Variants in SGCZ observed in about 807,000 individuals in gnomAD.
The protein encoded by SGCZ is zeta-sarcoglycan.
SGCZ carries 40 observed loss-of-function variants against 41.3 expected under a neutral mutation model. That is an observed-to-expected ratio of 0.97 (90% CI 0.75 to 1.26). The LOEUF (loss-of-function observed/expected upper bound fraction) is 1.26. Among genes scored for constraint, SGCZ ranks in the 50% most tolerant of loss-of-function variants. SGCZ has a pLI of 0.00. For missense variants in SGCZ, 552 were observed against 369.8 expected (o/e 1.49, Z -4.04); for synonymous variants, 206 against 137.5 (o/e 1.50, Z -3.49).
At chr8:14,652,373 C>A (rs1807434692) in intron 1 of SGCZ, among the ~76,000 whole-genome samples, 3 of 142,606 alleles carry the variant, frequency 2.1e-5, no homozygotes, top group African/African-American at 7.7e-5. Context: ...GGAGAAAACA[C>A]TGAAATAATG....
chr8:14,985,456 G>C (rs895268054), intron 1 of SGCZ, among the ~76,000 whole-genome samples: 1 of 152,138 alleles, frequency 6.6e-6, no homozygotes, highest in East Asian at 1.9e-4. Context: ...TTTCCACTAA[G>C]AGGCAGAGCA....
chr8:15,192,627 A>G (rs959563909), intron 1 of SGCZ, among the ~76,000 whole-genome samples: 1 of 152,112 alleles, frequency 6.6e-6, no homozygotes, highest in Non-Finnish European at 1.5e-5. Context: ...ACTGGCATCA[A>G]TGCCAAACTC....
At chr8:15,170,265 C>T (rs539880354) in intron 1 of SGCZ, among the ~76,000 whole-genome samples, 3 of 152,284 alleles carry the variant, frequency 2.0e-5, no homozygotes, top group Admixed American at 2.0e-4. Flanking sequence ...CTTGTCTCTT[C>T]CTGCTCAAGG....
intron 2 of SGCZ, among the ~76,000 whole-genome samples, chr8:14,353,577 C>T (rs763000987): frequency 5.3e-5 from 8 of 152,010 alleles, no homozygotes; most frequent in Admixed American, 1.3e-4. Context: ...CAATTCACAA[C>T]GGTGAGACTT....
At chr8:14,878,539 G>A (rs540859752) in intron 1 of SGCZ, among the ~76,000 whole-genome samples, 1 of 152,116 alleles carries the variant, frequency 6.6e-6, no homozygotes, top group Non-Finnish European at 1.5e-5. Flanking sequence ...AGATGAGGTG[G>A]CCCATATACA....
chr8:14,912,586 A>G (rs899159671), intron 1 of SGCZ, among the ~76,000 whole-genome samples: 6 of 152,072 alleles, frequency 3.9e-5, no homozygotes, highest in Non-Finnish European at 7.4e-5. Context: ...ATGGTTACTT[A>G]CTTGTCAAAC....
At chr8:15,139,855 T>C (rs999174855) in intron 1 of SGCZ, among the ~76,000 whole-genome samples, 1 of 152,178 alleles carries the variant, frequency 6.6e-6, no homozygotes, top group Non-Finnish European at 1.5e-5. Context: ...GACACGGTAG[T>C]CACTGAAGTT....
intron 1 of SGCZ, among the ~76,000 whole-genome samples, chr8:15,231,406 A>C (rs1801934195): frequency 1.3e-5 from 2 of 152,060 alleles, no homozygotes; most frequent in African/African-American, 4.8e-5. Flanking sequence ...TCTCAAGGCA[A>C]TTTGGAACAA....
chr8:14,331,500 T>A (rs1042508427), intron 2 of SGCZ, among the ~76,000 whole-genome samples: 14 of 152,120 alleles, frequency 9.2e-5, no homozygotes, highest in African/African-American at 2.7e-4. Flanking sequence ...TAAGCTTGTA[T>A]TTTATTTTCA....
chr8:14,567,488 C>A (rs1804408674), intron 1 of SGCZ, among the ~76,000 whole-genome samples: 1 of 152,138 alleles, frequency 6.6e-6, no homozygotes. Flanking sequence ...AATCAGCACC[C>A]TGTCAAAATG....
intron 1 of SGCZ, among the ~76,000 whole-genome samples, chr8:15,097,263 A>C (rs1476336823): frequency 6.6e-6 from 1 of 152,182 alleles, no homozygotes; most frequent in Non-Finnish European, 1.5e-5. Flanking sequence ...ATTTACTCTA[A>C]TGTAGAATGC....
At chr8:14,597,581 T>C (rs1040052375) in intron 1 of SGCZ, among the ~76,000 whole-genome samples, 6 of 152,032 alleles carry the variant, frequency 3.9e-5, no homozygotes, top group African/African-American at 1.4e-4. Context: ...TGATACTCCC[T>C]TTCTCCCTGC....
intron 1 of SGCZ, among the ~76,000 whole-genome samples, chr8:15,037,733 A>G (rs1443737436): frequency 2.0e-5 from 3 of 152,222 alleles, no homozygotes; most frequent in Non-Finnish European, 4.4e-5. Context: ...AAAATGCTAA[A>G]GACTCTACCA....
At chr8:14,992,627 T>G (rs909596999) in intron 1 of SGCZ, among the ~76,000 whole-genome samples, 2 of 149,326 alleles carry the variant, frequency 1.3e-5, no homozygotes, top group Admixed American at 6.7e-5. Flanking sequence ...GTGTTACCCT[T>G]GATATTTACC....
chr8:14,822,790 C>G (rs1802152226), intron 1 of SGCZ, among the ~76,000 whole-genome samples: 2 of 152,018 alleles, frequency 1.3e-5, no homozygotes, highest in Admixed American at 1.3e-4. Context: ...CAAAAATAGA[C>G]TGCTCCCTTT....
At chr8:14,218,878 G>T (rs571733652) in intron 4 of SGCZ, among the ~76,000 whole-genome samples, 3 of 152,250 alleles carry the variant, frequency 2.0e-5, no homozygotes, top group South Asian at 2.1e-4. Flanking sequence ...GACTTTGGAG[G>T]CCAGCCATTG....
intron 1 of SGCZ, among the ~76,000 whole-genome samples, chr8:15,182,120 A>T (rs909722509): frequency 2.0e-5 from 3 of 152,168 alleles, no homozygotes; most frequent in Admixed American, 6.5e-5. Flanking sequence ...TCCTCTATCT[A>T]GCAAAATACA....
intron 3 of SGCZ, among the ~76,000 whole-genome samples, chr8:14,315,916 G>T (rs1447011104): frequency 6.6e-6 from 1 of 151,572 alleles, no homozygotes; most frequent in Non-Finnish European, 1.5e-5. Flanking sequence ...AACACAAAAA[G>T]GCAACATTAG....
intron 1 of SGCZ, among the ~76,000 whole-genome samples, chr8:14,727,793 C>G (rs532241310): frequency 6.6e-6 from 1 of 151,950 alleles, no homozygotes; most frequent in African/African-American, 2.4e-5. Context: ...CGTGAGCCAC[C>G]GCGCCCAGCC....
Sources: allele counts gnomAD v4.1 joint callset (sites outside exome capture counted in the v4.1 genomes callset), GRCh38; gene constraint gnomAD v4.1.1; transcripts MANE v1.5; gene names NCBI Gene and HGNC (gene_info 2026-07-23, HGNC 2026-07-21).